The following ELAVL4 variants were observed in gnomAD, a reference collection of about 807,000 sequenced individuals.
ELAVL4 encodes ELAV like RNA binding protein 4, also known as ELAV-like protein 4.
In ELAVL4, 1 loss-of-function variant was observed where a neutral mutation model predicts 35.6. The ratio of observed to expected loss-of-function variants is 0.03; its 90% CI spans 0.01 to 0.13. The LOEUF is 0.13. Among genes scored for constraint, ELAVL4 ranks in the 10% least tolerant of loss-of-function variants. The probability of loss-of-function intolerance (pLI) is 1.00; values close to 1 mark genes in which losing one functional copy is unlikely to be tolerated. For synonymous variants in ELAVL4, 156 were observed against 171.0 expected, an observed-to-expected ratio of 0.91 and a Z score of 0.69; for missense variants, 267 against 464.9, an observed-to-expected ratio of 0.57 and a Z score of 3.91.
chr1:50,086,942 C>T (rs985163297), intron 1 of ELAVL4, among the ~76,000 whole-genome samples: 7 of 152,084 alleles, frequency 4.6e-5, no homozygotes, highest in African/African-American at 1.7e-4. Flanking sequence ...CACTCCTTGG[C>T]CTCTGCTGTT....
intron 1 of ELAVL4, chr1:50,115,048 G>GTCTCTCTGTCTCTCTCTC (rs1034073912): frequency 6.6e-6 from 1 of 151,674 alleles, no homozygotes; most frequent in African/African-American, 2.4e-5. Context: ...CTCTGTCTCC[G>GTCTCTCTGTCTCTCTCTC]TCTCTCTGTC....
At chr1:50,056,207 A>ACT (rs1663660573) in intron 1 of ELAVL4, among the ~76,000 whole-genome samples, 1 of 152,204 alleles carries the variant, frequency 6.6e-6, no homozygotes, top group Non-Finnish European at 1.5e-5. Flanking sequence ...AGTGTTCTAG[A>ACT]AGTGCCTGGT....
At chr1:50,175,466 G>C (rs1679853228) in intron 2 of ELAVL4, 1 of 151,898 alleles carries the variant, frequency 6.6e-6, no homozygotes, top group Non-Finnish European at 1.5e-5. Flanking sequence ...GGAAAGAGAA[G>C]GGTCCCAGCA....
chr1:50,165,659 T>C (rs953861971), intron 2 of ELAVL4, among the ~76,000 whole-genome samples: 1 of 148,542 alleles, frequency 6.7e-6, no homozygotes, highest in African/African-American at 2.5e-5. Context: ...TATATGTGTG[T>C]ATATATGTAT....
chr1:50,190,452 A>G (rs978796413), intron 3 of ELAVL4, among the ~76,000 whole-genome samples: 1 of 152,162 alleles, frequency 6.6e-6, no homozygotes, highest in Non-Finnish European at 1.5e-5. Context: ...TTTTTCTGTC[A>G]TTTTTGTTTA....
rs2148885659 is a variant in ELAVL4, at chr1:50,195,589, C to T, written c.537C>T (p.Arg179=). 11 of 1,614,150 alleles carry T rather than the reference C, an allele frequency of 6.8e-6. No individual in the cohort carries two copies. Among genetic ancestry groups the T allele is most frequent in the East Asian group, 2.2e-5 (1 of 44,884 alleles). The change falls in exon 5 of 7, where the codon CGC becomes CGT. Residue 179 remains arginine (R), a synonymous_variant. Coordinates refer to ENST00000371824, the MANE Select transcript of ELAVL4 (RefSeq NM_001144774.3). The part of the protein sequence containing the change: ...TGVSRGVGFI[R]FDKRIEAEEA... ...TGTCCAGAGGGGTGGGATTCATCCG[C>T]TTTGATAAGAGGATTGAGGCAGAAG...
At chr1:50,121,852 C>A (rs559800097) in intron 1 of ELAVL4, among the ~76,000 whole-genome samples, 5 of 151,956 alleles carry the variant, frequency 3.3e-5, no homozygotes, top group Non-Finnish European at 7.4e-5. Flanking sequence ...AACTAGGAAA[C>A]CTTATGCCTT....
chr1:50,130,473 A>G (rs1047295392), intron 1 of ELAVL4, among the ~76,000 whole-genome samples: 3 of 152,148 alleles, frequency 2.0e-5, no homozygotes, highest in African/African-American at 7.2e-5. Context: ...GTATGTAAAG[A>G]CACCTCTCAC....
At chr1:50,094,132 G>T (rs1436885961) in intron 1 of ELAVL4, among the ~76,000 whole-genome samples, 1 of 152,142 alleles carries the variant, frequency 6.6e-6, no homozygotes, top group Non-Finnish European at 1.5e-5. Flanking sequence ...GAAAAGCAGC[G>T]ATTTGGAAGC....
chr1:50,159,356 C>T (rs900331902), intron 2 of ELAVL4, among the ~76,000 whole-genome samples: 10 of 152,268 alleles, frequency 6.6e-5, no homozygotes, highest in Admixed American at 5.9e-4. Flanking sequence ...GCCTATAATC[C>T]TGGCACTGTG....
intron 1 of ELAVL4, among the ~76,000 whole-genome samples, chr1:50,092,569 C>T (rs1288913811): frequency 6.6e-6 from 1 of 152,200 alleles, no homozygotes; most frequent in Non-Finnish European, 1.5e-5. Flanking sequence ...GGGTCTGACC[C>T]ACACAATTTA....
intron 1 of ELAVL4, among the ~76,000 whole-genome samples, chr1:50,065,251 A>G (rs1664203725): frequency 6.6e-6 from 1 of 152,220 alleles, no homozygotes; most frequent in South Asian, 2.1e-4. Flanking sequence ...TGTTATTTAT[A>G]GAAATGGCCT....
intron 3 of ELAVL4, among the ~76,000 whole-genome samples, chr1:50,192,519 G>GCGCA (rs1032056096): frequency 1.8e-4 from 25 of 140,448 alleles, no homozygotes; most frequent in Non-Finnish European, 2.5e-4. Context: ...TTGTGTGCAC[G>GCGCA]CACACACACA....
intron 1 of ELAVL4, among the ~76,000 whole-genome samples, chr1:50,068,197 G>T (rs1435773102): frequency 6.6e-6 from 1 of 152,114 alleles, no homozygotes; most frequent in Admixed American, 6.6e-5. Flanking sequence ...AGGTGGTCAG[G>T]GATATGTAGA....
chr1:50,101,468 T>C (rs1043512152), upstream of ELAVL4, among the ~76,000 whole-genome samples: 1 of 152,202 alleles, frequency 6.6e-6, no homozygotes. Context: ...CACAAAGAAA[T>C]CTTTTTAAGA....
At chr1:50,170,593 C>T (rs192916373) in intron 2 of ELAVL4, among the ~76,000 whole-genome samples, 4 of 152,306 alleles carry the variant, frequency 2.6e-5, no homozygotes, top group Non-Finnish European at 2.9e-5. Context: ...CTTAATCCTT[C>T]ATGTGCATTT....
intron 1 of ELAVL4, among the ~76,000 whole-genome samples, chr1:50,128,889 C>T (rs900885874): frequency 6.6e-6 from 1 of 152,052 alleles, no homozygotes; most frequent in Non-Finnish European, 1.5e-5. Flanking sequence ...CAGATCCAGG[C>T]TCTGCACCAT....
At chr1:50,197,584 C>A in intron 6 of ELAVL4, 117 bp downstream of exon 6, 4 of 889,308 alleles carry the variant, frequency 4.5e-6, no homozygotes, top group Non-Finnish European at 6.5e-6. Flanking sequence ...CTTTTTCTTC[C>A]ACCAGCATGT....
At position 50,116,809 on chromosome 1, in the gene ELAVL4, T is replaced by C. The variant is rs1351422259; in HGVS notation, c.9+7611T>C. Among the ~76,000 whole-genome samples the C allele has an allele frequency of 2.6e-5, 4 of 152,114 alleles. No individual in the cohort carries two copies. The East Asian group carries it at 5.8e-4, about 22-fold the overall frequency. On this transcript the variant is annotated intron_variant, in intron 1 of 6. Transcript: ENST00000371824. ...TTTTTACCAGATTTGACTTATCTTT[T>C]CTTATTTTACTTTTTGTAATGCAGC... is the stretch of plus-strand genomic sequence containing the variant.
Sources: gnomAD v4.1 joint callset for allele counts (sites outside exome capture counted in the v4.1 genomes callset) on GRCh38, gnomAD v4.1.1 for gene constraint, MANE v1.5 for transcripts, NCBI Gene and HGNC (gene_info 2026-07-23, HGNC 2026-07-21) for gene names.